AFF3: variants seen among roughly 807,000 people sequenced by gnomAD.
AFF3 encodes the protein ALF transcription elongation factor 3.
A neutral mutation model predicts 129.7 loss-of-function variants in AFF3; 32 were observed. The observed-to-expected ratio is 0.25, with a 90% CI of 0.19 to 0.33. The LOEUF (loss-of-function observed/expected upper bound fraction) is 0.33. Among genes scored for constraint, AFF3 ranks in the 10% least tolerant of loss-of-function variants. The pLI, the probability that AFF3 is intolerant of heterozygous loss-of-function variation, is 1.00. For synonymous variants in AFF3, 644 were observed against 635.4 expected (o/e 1.01, Z -0.20); for missense variants, 1,373 against 1,592.0 (o/e 0.86, Z 2.34).
At chr2:99,611,237 A>G (rs1165016119) in intron 13 of AFF3, among the ~76,000 whole-genome samples, 1 of 152,134 alleles carries the variant, frequency 6.6e-6, no homozygotes, top group African/African-American at 2.4e-5. Flanking sequence ...TTACTGAAGC[A>G]TTTTATGATG....
At chr2:99,946,463 G>A (rs1675573636) in intron 7 of AFF3, among the ~76,000 whole-genome samples, 1 of 115,478 alleles carries the variant, frequency 8.7e-6, no homozygotes, top group South Asian at 3.2e-4. Context: ...GACAGAGTGA[G>A]ACGCCATCTT....
At chr2:99,996,479 G>A (rs1014490839) in intron 7 of AFF3, among the ~76,000 whole-genome samples, 1 of 151,258 alleles carries the variant, frequency 6.6e-6, no homozygotes, top group African/African-American at 2.4e-5. Flanking sequence ...GCGCCATCTC[G>A]GCTCATGAGT....
In AFF3 at chr2:99,549,383, G is replaced by C; in HGVS notation, c.*2091C>G. On this transcript the variant is annotated 3_prime_UTR_variant, in exon 25 of 25. Transcript: ENST00000672756. ...GTAGATCACCTGAGGTCAGGAGTTTGAGACGAGCCTGGCCAACATGGTGAA... is the reference window on the plus strand; with the variant it reads ...GTAGATCACCTGAGGTCAGGAGTTTCAGACGAGCCTGGCCAACATGGTGAA... The C allele has an allele frequency of 5.5e-6, 1 of 182,612 alleles. No homozygotes were observed. Among genetic ancestry groups the C allele is most frequent in the African/African-American group, 2.3e-5 (1 of 42,626 alleles). 11.3% of individuals were successfully genotyped at this position (182,612 alleles called of 1,614,324 possible).
At chr2:99,875,909 G>C (rs543598647) in intron 7 of AFF3, among the ~76,000 whole-genome samples, 1 of 152,258 alleles carries the variant, frequency 6.6e-6, no homozygotes, top group African/African-American at 2.4e-5. Flanking sequence ...CGATCTGCAT[G>C]TTGCTGAATC....
At chr2:99,940,676 A>T (rs1352625159) in intron 7 of AFF3, among the ~76,000 whole-genome samples, 2 of 152,202 alleles carry the variant, frequency 1.3e-5, no homozygotes, top group Admixed American at 1.3e-4. Flanking sequence ...AACCAAAAAA[A>T]TGGGCAACCA....
chr2:99,952,024 A>G (rs1676216955), intron 7 of AFF3, among the ~76,000 whole-genome samples: 1 of 152,236 alleles, frequency 6.6e-6, no homozygotes, highest in African/African-American at 2.4e-5. Flanking sequence ...CAAGAGGTAC[A>G]GGTTTGGTTA....
intron 11 of AFF3, among the ~76,000 whole-genome samples, chr2:99,692,190 T>C (rs776357795): frequency 5.9e-5 from 9 of 152,196 alleles, no homozygotes; most frequent in Non-Finnish European, 1.0e-4. Flanking sequence ...GGCCTCCTCC[T>C]GCCCAAATCC....
At chr2:100,068,101 A>G (rs1024590430) in intron 4 of AFF3, among the ~76,000 whole-genome samples, 2 of 152,238 alleles carry the variant, frequency 1.3e-5, no homozygotes, top group African/African-American at 4.8e-5. Flanking sequence ...GAAGGCCGCA[A>G]GATCACAAGC....
At chr2:99,847,902 C>T (rs1027507513) in intron 7 of AFF3, among the ~76,000 whole-genome samples, 2 of 152,078 alleles carry the variant, frequency 1.3e-5, no homozygotes, top group East Asian at 1.9e-4. Flanking sequence ...TGTATCTTGA[C>T]GCCCACACTA....
At chr2:100,027,646 C>T (rs916404610) in intron 4 of AFF3, among the ~76,000 whole-genome samples, 1 of 152,156 alleles carries the variant, frequency 6.6e-6, no homozygotes, top group East Asian at 1.9e-4. Context: ...TTGCATAAAA[C>T]TGTATCCTTT....
At chr2:99,787,880 G>A (rs891186443) in intron 8 of AFF3, among the ~76,000 whole-genome samples, 4 of 152,168 alleles carry the variant, frequency 2.6e-5, no homozygotes, top group Non-Finnish European at 5.9e-5. Flanking sequence ...ATACTTCTCA[G>A]AACTAGACAG....
intron 7 of AFF3, among the ~76,000 whole-genome samples, chr2:100,005,797 G>T (rs531410837): frequency 1.2e-4 from 18 of 152,256 alleles, no homozygotes; most frequent in African/African-American, 4.1e-4. Flanking sequence ...TGTCAAAAAT[G>T]CAACAACAAA....
chr2:100,076,505 T>C (rs987635408), intron 4 of AFF3, among the ~76,000 whole-genome samples: 21 of 152,132 alleles, frequency 1.4e-4, no homozygotes, highest in African/African-American at 4.8e-4. Context: ...CCTCACCAAG[T>C]TGCCTAAGAG....
chr2:100,141,006 T>G (rs1462844652), intron 1 of AFF3, among the ~76,000 whole-genome samples: 1 of 152,124 alleles, frequency 6.6e-6, no homozygotes, highest in Non-Finnish European at 1.5e-5. Flanking sequence ...ATGATGACAA[T>G]GATAACAGCT....
chr2:99,908,694 C>T (rs1314868234), intron 7 of AFF3, among the ~76,000 whole-genome samples: 1 of 152,150 alleles, frequency 6.6e-6, no homozygotes, highest in Non-Finnish European at 1.5e-5. Context: ...CAAAAGAAGA[C>T]ATTTATGCAG....
At chr2:99,571,208 C>T (rs1473921638) in intron 18 of AFF3, among the ~76,000 whole-genome samples, 1 of 152,166 alleles carries the variant, frequency 6.6e-6, no homozygotes, top group Non-Finnish European at 1.5e-5. Context: ...AGCATCGCAT[C>T]CAATGAGCCA....
At chr2:99,986,061 C>T (rs1469419327) in intron 7 of AFF3, among the ~76,000 whole-genome samples, 2 of 151,614 alleles carry the variant, frequency 1.3e-5, no homozygotes, top group African/African-American at 2.4e-5. Context: ...ATTAGTCAGG[C>T]GTGGTGGTGG....
intron 4 of AFF3, among the ~76,000 whole-genome samples, chr2:100,032,428 CAA>C (rs568319925): frequency 2.8e-5 from 4 of 144,288 alleles, no homozygotes; most frequent in Admixed American, 6.9e-5. Context: ...GACTCTGTCT[CAA>C]AAAAAAAAAA....
chr2:99,759,686 T>C (rs1309426086), intron 8 of AFF3, among the ~76,000 whole-genome samples: 2 of 152,252 alleles, frequency 1.3e-5, no homozygotes, highest in Non-Finnish European at 2.9e-5. Flanking sequence ...ACCTAAGAAT[T>C]ATTTCTATGA....
Sources: allele counts gnomAD v4.1 joint callset (sites outside exome capture counted in the v4.1 genomes callset), GRCh38; gene constraint gnomAD v4.1.1; transcripts MANE v1.5; gene names NCBI Gene and HGNC (gene_info 2026-07-23, HGNC 2026-07-21).